The following CACNB4 variants were observed in gnomAD, a reference collection of about 807,000 sequenced individuals.
CACNB4 encodes voltage-dependent L-type calcium channel subunit beta-4.
A neutral mutation model predicts 71.2 loss-of-function variants in CACNB4; 32 were observed. The ratio of observed to expected loss-of-function variants is 0.45; its 90% CI spans 0.34 to 0.60. CACNB4 has a LOEUF of 0.60. Ranked by LOEUF, CACNB4 falls within the 20% of genes least tolerant of loss-of-function variation. The probability of loss-of-function intolerance (pLI) is 0.01; values close to 1 mark genes in which losing one functional copy is unlikely to be tolerated. For synonymous variants in CACNB4, 231 were observed against 236.9 expected (o/e 0.97, Z 0.23); for missense variants, 464 against 647.9 (o/e 0.72, Z 3.08).
intron 2 of CACNB4, among the ~76,000 whole-genome samples, chr2:152,095,913 A>T (rs1688241855): frequency 1.3e-5 from 2 of 152,124 alleles, no homozygotes; most frequent in Non-Finnish European, 2.9e-5. Flanking sequence ...TCAGCCTCCC[A>T]AAGTGCTGGG....
chr2:152,023,479 G>A lies in CACNB4; in HGVS notation c.147+74851C>T, dbSNP rs767940343. 6.6e-5 allele frequency among the ~76,000 whole-genome samples: 10 copies of A among 152,142 alleles called. No individual in the cohort carries two copies. In the Middle Eastern group the frequency reaches 0.01, roughly 155 times the overall value. On this transcript the variant is annotated intron_variant, in intron 2 of 13. Coordinates refer to ENST00000539935, the MANE Select transcript of CACNB4 (RefSeq NM_000726.5). ...GACAAAGTCTCACTCTTGTCCCCCCGGCTGGAATGCAATGGCGCGATCTCA... is the reference window on the plus strand; with the variant it reads ...GACAAAGTCTCACTCTTGTCCCCCCAGCTGGAATGCAATGGCGCGATCTCA...
At chr2:151,947,995 A>G (rs56102216) in intron 2 of CACNB4, among the ~76,000 whole-genome samples, 29,543 of 152,100 alleles carry the variant, frequency 0.19, 5,110 homozygotes, top group East Asian at 0.57. Flanking sequence ...GCCTTCAAGA[A>G]GCCAATGACT....
intron 4 of CACNB4, among the ~76,000 whole-genome samples, chr2:151,878,487 G>A (rs1235404110): frequency 1.3e-5 from 2 of 150,608 alleles, no homozygotes; most frequent in Non-Finnish European, 3.0e-5. Context: ...GGAGTCTGAG[G>A]TAAGAGGATC....
At chr2:151,887,565 G>A (rs2151467254) in intron 2 of CACNB4, among the ~76,000 whole-genome samples, 2 of 152,270 alleles carry the variant, frequency 1.3e-5, no homozygotes, top group East Asian at 3.9e-4. Context: ...GAAGGAAGGT[G>A]ATCTCAAGTG....
At chr2:151,895,096 C>CCA (rs58504924) in intron 2 of CACNB4, among the ~76,000 whole-genome samples, 344 of 22,304 alleles carry the variant, frequency 0.015, 4 homozygotes, top group Non-Finnish European at 0.068. Flanking sequence ...TCAAATAGCC[C>CCA]CACACACACA....
chr2:151,936,172 G>A (rs2099862862), intron 2 of CACNB4: 2 of 152,224 alleles, frequency 1.3e-5, no homozygotes, highest in Non-Finnish European at 2.9e-5. Context: ...AATGTAAACA[G>A]CTTTTGCATA....
rs940771810 is a variant in CACNB4, at chr2:151,883,234, G to A, written c.267+17C>T. The A allele has an allele frequency of 6.2e-7, 1 of 1,613,678 alleles. No homozygotes were observed. Among genetic ancestry groups the A allele is most frequent in the Non-Finnish European group, 8.5e-7 (1 of 1,179,678 alleles). ...CAACGACCCACTTTTGAGCCAAAGA[G>A]AAGGAAAGAGACTCACCTTTGCTCT... is the stretch of plus-strand genomic sequence containing the variant. On this transcript the variant is annotated intron_variant, in intron 3 of 13. Transcript: ENST00000539935.
intron 2 of CACNB4, among the ~76,000 whole-genome samples, chr2:151,884,878 T>C (rs1254158695): frequency 6.6e-6 from 1 of 152,198 alleles, no homozygotes; most frequent in Non-Finnish European, 1.5e-5. Context: ...TTATGTTTCA[T>C]AAATCATGCA....
At chr2:151,930,953 T>A (rs2099861497) in intron 2 of CACNB4, among the ~76,000 whole-genome samples, 1 of 152,208 alleles carries the variant, frequency 6.6e-6, no homozygotes, top group Non-Finnish European at 1.5e-5. Flanking sequence ...GGAATTAGAA[T>A]TATGGGACTC....
rs113313070 is a variant in CACNB4 at position 151,863,057 on chromosome 2, GT to G, written c.759-2238del. 7.3e-3 allele frequency among the ~76,000 whole-genome samples: 1,054 copies of G among 145,238 alleles called. 12 individuals carry two copies. Among genetic ancestry groups the G allele is most frequent in the African/African-American group, 0.024 (954 of 39,900 alleles). ...TCCTCTCCAGAATAGGGTTTGTGTG[GT>G]TTTTTTTTTTTAATTTAATTTTTTT... On this transcript the variant is annotated intron_variant, in intron 9 of 13. Coordinates refer to ENST00000539935, the MANE Select transcript of CACNB4 (RefSeq NM_000726.5).
At chr2:151,982,440 T>C (rs138119466) in intron 2 of CACNB4, among the ~76,000 whole-genome samples, 3 of 152,150 alleles carry the variant, frequency 2.0e-5, no homozygotes, top group South Asian at 2.1e-4. Context: ...TAGACCATCC[T>C]GGCTAACACA....
At chr2:151,869,941 G>C (rs761569299) in intron 8 of CACNB4, 4 of 459,326 alleles carry the variant, frequency 8.7e-6, no homozygotes, top group Non-Finnish European at 1.5e-5. Context: ...ATCCAAGCTA[G>C]CACAAAGTCA....
chr2:152,029,781 C>T (rs1185441670), intron 2 of CACNB4, among the ~76,000 whole-genome samples: 2 of 152,186 alleles, frequency 1.3e-5, no homozygotes, highest in Non-Finnish European at 2.9e-5. Flanking sequence ...GGATTGACCC[C>T]TTGCCCCTTC....
At chr2:151,870,114 A>G in intron 8 of CACNB4, 1 of 607,264 alleles carries the variant, frequency 1.6e-6, no homozygotes, top group Non-Finnish European at 2.9e-6. Context: ...TTAAAAACCC[A>G]GCAGGGTGAA....
chr2:151,964,332 G>A (rs997517821), intron 2 of CACNB4, among the ~76,000 whole-genome samples: 10 of 152,066 alleles, frequency 6.6e-5, no homozygotes, highest in African/African-American at 9.7e-5. Context: ...AATATGACAC[G>A]TTTGCTTGTA....
intron 2 of CACNB4, among the ~76,000 whole-genome samples, chr2:152,011,797 C>A (rs1389703331): frequency 6.6e-6 from 1 of 152,172 alleles, no homozygotes; most frequent in Non-Finnish European, 1.5e-5. Flanking sequence ...GATGTTTCAA[C>A]ATTTTGGTCA....
intron 2 of CACNB4, chr2:151,971,400 A>C: frequency 1.6e-6 from 1 of 638,926 alleles, no homozygotes; most frequent in Non-Finnish European, 2.8e-6. Context: ...CCCAACCCCC[A>C]CCCCCAACCG....
rs967309102 is a variant in CACNB4 at position 151,843,595 on chromosome 2, C to T, written c.1117-1507G>A. Among the ~76,000 whole-genome samples the T allele has an allele frequency of 5.3e-5, 8 of 152,182 alleles. No homozygotes were observed. The South Asian group carries it at 6.2e-4, about 12-fold the overall frequency. ...CCTCCCAAAGTGCTGGGATTACAGA[C>T]GTGAGTCACCACACCCGGCTCACAT... is the stretch of plus-strand genomic sequence containing the variant. On this transcript the variant is annotated intron_variant, in intron 12 of 13. Transcript: ENST00000539935.
At chr2:152,045,986 A>G (rs1237281891) in intron 2 of CACNB4, among the ~76,000 whole-genome samples, 1 of 152,212 alleles carries the variant, frequency 6.6e-6, no homozygotes, top group Admixed American at 6.5e-5. Flanking sequence ...TGGTCCTTAG[A>G]GTAACTGAGA....
Sources: gnomAD v4.1 joint callset for allele counts (sites outside exome capture counted in the v4.1 genomes callset) on GRCh38, gnomAD v4.1.1 for gene constraint, MANE v1.5 for transcripts, NCBI Gene and HGNC (gene_info 2026-07-23, HGNC 2026-07-21) for gene names.